Variants in METAP1D observed in about 807,000 individuals in gnomAD.
METAP1D encodes methionyl aminopeptidase type 1D, mitochondrial.
METAP1D carries 31 observed loss-of-function variants against 40.5 expected under a neutral mutation model. The observed-to-expected ratio is 0.77, with a 90% CI of 0.58 to 1.03. The LOEUF is 1.03. Among genes scored for constraint, METAP1D ranks in the 50% least tolerant of loss-of-function variants. METAP1D has a pLI of 0.00. For missense variants in METAP1D, 411 were observed against 420.7 expected (o/e 0.98, Z 0.20); for synonymous variants, 151 against 146.4 (o/e 1.03, Z -0.22).
At chr2:172,024,529 C>T (rs1689080305) in intron 1 of METAP1D, among the ~76,000 whole-genome samples, 1 of 152,026 alleles carries the variant, frequency 6.6e-6, no homozygotes, top group African/African-American at 2.4e-5. Flanking sequence ...CTCCAGAACC[C>T]TAACCATGAA....
chr2:172,001,782 A>G (rs1688468640), intron 1 of METAP1D, among the ~76,000 whole-genome samples: 1 of 151,990 alleles, frequency 6.6e-6, no homozygotes, highest in African/African-American at 2.4e-5. Context: ...AAAGACAGCC[A>G]ATTTACATCT....
At position 172,080,570 on chromosome 2, in the gene METAP1D, G is replaced by T. The variant is rs1440338905; in HGVS notation, c.*164G>T. The T allele has an allele frequency of 1.4e-6, 1 of 705,206 alleles. No homozygotes were observed. Among genetic ancestry groups the T allele is most frequent in the Non-Finnish European group, 2.4e-6 (1 of 419,330 alleles). The allele number at this position is 705,206 out of a possible 1,614,324, so 43.7% of individuals were successfully genotyped here. A position where few individuals can be genotyped will look rare whatever the true frequency, so the allele number is the denominator to read the frequency against. On this transcript the variant is annotated 3_prime_UTR_variant, in exon 10 of 10. Transcript: ENST00000315796. Reference sequence around the variant, plus strand: ...GCGGGGGAGACTGAAGAGCAACTGGGAACTCGGATCTGAAGCCCTGCTGGG... The same window carrying T: ...GCGGGGGAGACTGAAGAGCAACTGGTAACTCGGATCTGAAGCCCTGCTGGG...
chr2:172,077,372 G>T (rs1690571410), intron 6 of METAP1D, among the ~76,000 whole-genome samples: 1 of 152,180 alleles, frequency 6.6e-6, no homozygotes, highest in Admixed American at 6.6e-5. Context: ...TTTATATTTG[G>T]TTCCCCAATC....
intron 1 of METAP1D, among the ~76,000 whole-genome samples, chr2:172,031,963 C>T (rs1215188094): frequency 6.6e-6 from 1 of 152,174 alleles, no homozygotes; most frequent in South Asian, 2.1e-4. Flanking sequence ...TCTTGTTGCC[C>T]GGCTGGTCAA....
At chr2:172,022,937 A>G (rs758173421) in intron 1 of METAP1D, among the ~76,000 whole-genome samples, 1 of 152,188 alleles carries the variant, frequency 6.6e-6, no homozygotes, top group Non-Finnish European at 1.5e-5. Context: ...CTGTAATCCC[A>G]GCACTTTGGG....
chr2:172,069,744 T>C (rs1219425889), intron 5 of METAP1D, among the ~76,000 whole-genome samples: 1 of 152,198 alleles, frequency 6.6e-6, no homozygotes, highest in East Asian at 1.9e-4. Flanking sequence ...TAGAAGCCAA[T>C]AATCCATCAT....
intron 5 of METAP1D, among the ~76,000 whole-genome samples, chr2:172,069,717 TAGAGA>T (rs2105489204): frequency 6.6e-6 from 1 of 152,316 alleles, no homozygotes; most frequent in East Asian, 1.9e-4. Flanking sequence ...TTTGATATAG[TAGAGA>T]AAACACTCGA....
chr2:172,055,789 G>C (rs1689988767), intron 1 of METAP1D, among the ~76,000 whole-genome samples: 1 of 152,210 alleles, frequency 6.6e-6, no homozygotes, highest in Non-Finnish European at 1.5e-5. Flanking sequence ...AAGTGAAATT[G>C]CTGAATACAG....
intron 8 of METAP1D, among the ~76,000 whole-genome samples, chr2:172,079,511 GT>G (rs751502967): frequency 2.6e-5 from 4 of 152,180 alleles, no homozygotes; most frequent in Admixed American, 1.3e-4. Flanking sequence ...GTGGTGTTGG[GT>G]TTTTTGTTTT....
rs34937813 is a variant in METAP1D, at chr2:172,018,126, CAAAAAAAA to C, written c.40+18131_40+18138del. On this transcript the variant is annotated intron_variant, in intron 1 of 9. Coordinates refer to ENST00000315796, the MANE Select transcript of METAP1D (RefSeq NM_199227.3). Reference sequence around the variant, plus strand: ...TGGGTGACAGAGTGAGACTCTGTCTCAAAAAAAAAAAAAAAAAAAAAGGAAATTGCAAA... The same window carrying C: ...TGGGTGACAGAGTGAGACTCTGTCTCAAAAAAAAAAAAAGGAAATTGCAAA... Among the ~76,000 whole-genome samples the C allele has an allele frequency of 3.3e-3, 250 of 76,716 alleles. 3 individuals carry two copies. Among genetic ancestry groups the C allele is most frequent in the South Asian group, 0.026 (51 of 1,930 alleles). The allele number at this position is 76,716 out of a possible 152,430, so 50.3% of individuals were successfully genotyped here.
In METAP1D at chr2:172,077,382, CAG is replaced by C. The variant is rs949332492; in HGVS notation, c.705-414_705-413del. ...TTTGTTTTATATTTGGTTCCCCAAT[CAG>C]GAGTAATTTATAGTCTTTTTGTGAA... On this transcript the variant is annotated intron_variant, in intron 6 of 9. Transcript: ENST00000315796. Among the ~76,000 whole-genome samples the C allele has an allele frequency of 1.3e-3, 195 of 152,296 alleles. 1 individual carries two copies. The highest frequency in any genetic ancestry group is 4.4e-3 in the African/African-American group (181 of 41,562).
chr2:172,072,750 C>A (rs973015094), intron 6 of METAP1D, among the ~76,000 whole-genome samples: 7 of 151,946 alleles, frequency 4.6e-5, no homozygotes, highest in Non-Finnish European at 1.0e-4. Flanking sequence ...TTCTTTTTCC[C>A]CCATTGAAGG....
intron 1 of METAP1D, among the ~76,000 whole-genome samples, chr2:172,012,226 T>C (rs1342892581): frequency 1.3e-5 from 2 of 152,172 alleles, no homozygotes; most frequent in African/African-American, 4.8e-5. Flanking sequence ...TACCAACCTC[T>C]TTAAGAATTG....
At chr2:172,026,112 A>G (rs911892137) in intron 1 of METAP1D, among the ~76,000 whole-genome samples, 4 of 152,052 alleles carry the variant, frequency 2.6e-5, no homozygotes, top group Non-Finnish European at 5.9e-5. Context: ...ACATATTCCC[A>G]TGTTGCATTT....
At chr2:172,039,723 AG>A (rs1179133994) in intron 1 of METAP1D, among the ~76,000 whole-genome samples, 3 of 149,564 alleles carry the variant, frequency 2.0e-5, no homozygotes, top group Non-Finnish European at 4.4e-5. Flanking sequence ...GCTGGAGTGC[AG>A]GGGCTCCATC....
At chr2:172,009,075 G>C (rs957626275) in intron 1 of METAP1D, among the ~76,000 whole-genome samples, 2 of 150,962 alleles carry the variant, frequency 1.3e-5, no homozygotes, top group African/African-American at 4.9e-5. Flanking sequence ...GAGTCTCGCC[G>C]TGTCTCTCAG....
chr2:172,056,702 C>A (rs775385801), intron 1 of METAP1D, among the ~76,000 whole-genome samples: 1 of 152,126 alleles, frequency 6.6e-6, no homozygotes, highest in Non-Finnish European at 1.5e-5. Flanking sequence ...TTATGGAGCA[C>A]CTATTTTTTA....
intron 1 of METAP1D, among the ~76,000 whole-genome samples, chr2:172,035,286 T>C (rs1400873784): frequency 1.3e-5 from 2 of 152,086 alleles, no homozygotes; most frequent in African/African-American, 4.8e-5. Flanking sequence ...TGCCTCAGCC[T>C]CCCGAGTAGC....
At chr2:172,019,001 C>T (rs2105393254) in intron 1 of METAP1D, among the ~76,000 whole-genome samples, 1 of 152,282 alleles carries the variant, frequency 6.6e-6, no homozygotes, top group Non-Finnish European at 1.5e-5. Flanking sequence ...AAGCAGACAA[C>T]CATGGATTTC....
Sources: allele counts gnomAD v4.1 joint callset (sites outside exome capture counted in the v4.1 genomes callset), GRCh38; gene constraint gnomAD v4.1.1; transcripts MANE v1.5; gene names NCBI Gene and HGNC (gene_info 2026-07-23, HGNC 2026-07-21).